GAS6: variants seen among roughly 807,000 people sequenced by gnomAD.
GAS6 encodes the protein growth arrest-specific protein 6.
A neutral mutation model predicts 75.8 loss-of-function variants in GAS6; 41 were observed. That is an observed-to-expected ratio of 0.54 (90% confidence interval 0.42 to 0.70). The LOEUF (loss-of-function observed/expected upper bound fraction) is 0.70. Ranked by LOEUF, GAS6 falls within the 30% of genes least tolerant of loss-of-function variation. The pLI is 0.00. For missense variants in GAS6, 854 were observed against 940.2 expected (o/e 0.91, Z 1.20); for synonymous variants, 432 against 412.6 (o/e 1.05, Z -0.57).
At chr13:113,830,515 CCCAGG>C (rs2051617010) in intron 10 of GAS6, among the ~76,000 whole-genome samples, 1 of 66,924 alleles carries the variant, frequency 1.5e-5, no homozygotes, top group Non-Finnish European at 2.5e-5. Flanking sequence ...ACACCACTCC[CCCAGG>C]TGACCTCGCC....
chr13:113,842,310 CG>C, intron 4 of GAS6: 1 of 313,064 alleles, frequency 3.2e-6, no homozygotes, highest in Non-Finnish European at 5.7e-6. Flanking sequence ...GCTCGCGTCT[CG>C]AAGTGTTTCT....
At chr13:113,838,034 G>A (rs542200125) in intron 6 of GAS6, 35 bp downstream of exon 6, 56 of 1,608,694 alleles carry the variant, frequency 3.5e-5, no homozygotes, top group South Asian at 2.1e-4. Flanking sequence ...GGTGGGGAGA[G>A]GAGAGAGGAG....
At chr13:113,832,159 C>T (rs904292950) in intron 10 of GAS6, 140 bp downstream of exon 10, 2 of 969,222 alleles carry the variant, frequency 2.1e-6, no homozygotes, top group Non-Finnish European at 3.0e-6. Context: ...CTAAACGGGG[C>T]AGGGGTCCCC....
chr13:113,863,495 C>A lies in GAS6; in HGVS notation c.255+80G>T. 1 of 1,358,922 alleles carries A rather than the reference C, an allele frequency of 7.4e-7. No individual in the cohort carries two copies. Among genetic ancestry groups the A allele is most frequent in the Non-Finnish European group, 9.6e-7 (1 of 1,046,436 alleles). 84.2% of individuals were successfully genotyped at this position (1,358,922 alleles called of 1,614,324 possible). On this transcript the variant is annotated intron_variant, in intron 2 of 14. Transcript: ENST00000327773. This position sits in a 1 kb window ranked among gnomAD's most constrained non-coding sequence, Gnocchi z 9.4. Reference sequence around the variant, plus strand: ...CTCGCCGCGCGGAGCTGGGGGGCGGCAGCAGCGCTGCCTCTCGGGAGCGGT... The same window carrying A: ...CTCGCCGCGCGGAGCTGGGGGGCGGAAGCAGCGCTGCCTCTCGGGAGCGGT...
chr13:113,835,625 C>CTCGTCTATGTCTGCAAGCAAAAAA lies in GAS6; in HGVS notation c.590-14_599dup (p.Asp199_Glu200insAspPheLeuLeuAlaAspIleAsp), dbSNP rs752654181. 6.2e-7 allele frequency: 1 copy of CTCGTCTATGTCTGCAAGCAAAAAA among 1,611,932 alleles called. No individual in the cohort carries two copies. The highest frequency in any genetic ancestry group is 8.5e-7 in the Non-Finnish European group (1 of 1,179,800). Reference sequence around the variant, plus strand: ...CCCCGCAGGCCTCCGAGTCTGCGCACTCGTCTATGTCTGCAAGCAAAAAAA... The same window carrying CTCGTCTATGTCTGCAAGCAAAAAA: ...CCCCGCAGGCCTCCGAGTCTGCGCACTCGTCTATGTCTGCAAGCAAAAAATCGTCTATGTCTGCAAGCAAAAAAA... On this transcript the variant is annotated inframe_insertion, in exon 7 of 15. Coordinates refer to ENST00000327773, the MANE Select transcript of GAS6 (RefSeq NM_000820.4).
intron 11 of GAS6, among the ~76,000 whole-genome samples, chr13:113,828,301 A>G (rs995820803): frequency 2.0e-5 from 3 of 152,220 alleles, no homozygotes; most frequent in African/African-American, 7.2e-5. Flanking sequence ...TCTTATCTCC[A>G]TTGAAAAATA....
intron 3 of GAS6, among the ~76,000 whole-genome samples, chr13:113,847,363 G>C (rs1249493115): frequency 1.3e-5 from 2 of 152,232 alleles, no homozygotes; most frequent in Non-Finnish European, 2.9e-5. Context: ...AATGCACTTT[G>C]CAACATTAAA....
At chr13:113,850,290 C>A (rs2051863114) in intron 2 of GAS6, among the ~76,000 whole-genome samples, 1 of 152,092 alleles carries the variant, frequency 6.6e-6, no homozygotes, top group South Asian at 2.1e-4. Flanking sequence ...CAGAGCAGCA[C>A]CCCCAGGAGT....
intron 2 of GAS6, among the ~76,000 whole-genome samples, chr13:113,852,295 G>A (rs965266102): frequency 2.0e-5 from 3 of 152,198 alleles, no homozygotes; most frequent in Admixed American, 1.3e-4. Flanking sequence ...GGACGTCCCC[G>A]TGCTGGGGGT....
rs746380608 is a variant in GAS6, at chr13:113,822,165, G to C, written c.1675C>G (p.His559Asp). 6.4e-7 allele frequency: 1 copy of C among 1,573,010 alleles called. No individual in the cohort carries two copies. The highest frequency in any genetic ancestry group is 2.3e-5 in the East Asian group (1 of 43,556). ...KKQLVVLAVEHTALALMEIKV... is the reference protein window; with the variant it reads ...KKQLVVLAVEDTALALMEIKV... ...ATCTCCATTAGGGCCAAGGCCGTAT[G>C]CTCCACGGCCAGGACCACCAGCTGC... The change falls in exon 14 of 15, where the codon CAT (histidine) becomes GAT (aspartate). Residue 559 changes from histidine to aspartate, a missense_variant. His to Asp is a moderately conservative substitution (Grantham distance 81, BLOSUM62 -1). Transcript: ENST00000327773.
rs539457200 is a variant in GAS6 at position 113,821,853 on chromosome 13, C to A, written c.1882+105G>T. 3.7e-4 allele frequency: 323 copies of A among 869,698 alleles called. 1 individual carries two copies. The African/African-American group carries it at 5.1e-3, about 14-fold the overall frequency. The allele number at this position is 869,698 out of a possible 1,614,324, so 53.9% of individuals were successfully genotyped here. On this transcript the variant is annotated intron_variant, in intron 14 of 14. Coordinates refer to ENST00000327773, the MANE Select transcript of GAS6 (RefSeq NM_000820.4). The stretch of plus-strand genomic sequence containing the variant: ...CTCTTAAAACACAAGTCCTCTTCCG[C>A]ATTCACTACCAGAAACCCCAGCCTG...
chr13:113,830,348 C>A (rs1183082795), intron 10 of GAS6, among the ~76,000 whole-genome samples: 1 of 152,066 alleles, frequency 6.6e-6, no homozygotes, highest in East Asian at 1.9e-4. Flanking sequence ...GGCGGGACTA[C>A]ACTGCAACAC....
In GAS6 at chr13:113,851,262, GATGAGTGAGTGTATGAATGA is replaced by G. The variant is rs2051872015; in HGVS notation, c.256-3232_256-3213del. Among the ~76,000 whole-genome samples the G allele has an allele frequency of 2.0e-5, 3 of 148,622 alleles. No homozygotes were observed. The South Asian group carries it at 6.8e-4, about 33-fold the overall frequency. The stretch of plus-strand genomic sequence containing the variant: ...GAATAAAACAATGAGTGAATAGATG[GATGAGTGAGTGTATGAATGA>G]ATGAGTGAGTGGGTGGATGAGTGAG... On this transcript the variant is annotated intron_variant, in intron 2 of 14. Transcript: ENST00000327773.
chr13:113,850,672 G>A (rs183224717), intron 2 of GAS6, among the ~76,000 whole-genome samples: 24 of 152,354 alleles, frequency 1.6e-4, no homozygotes, highest in African/African-American at 3.1e-4. Flanking sequence ...CTCATGAGCC[G>A]TCACCAAACA....
intron 5 of GAS6, among the ~76,000 whole-genome samples, chr13:113,838,431 A>T (rs2051740150): frequency 7.0e-6 from 1 of 142,834 alleles, no homozygotes; most frequent in South Asian, 2.3e-4. Context: ...GGGGGTGCAC[A>T]GCCCAGCCCT....
At chr13:113,840,146 C>A (rs367543901) in intron 4 of GAS6, 49 of 390,998 alleles carry the variant, frequency 1.3e-4, no homozygotes, top group Non-Finnish European at 2.0e-4. Flanking sequence ...AACTGCCTGG[C>A]GTGAGGCCTG....
In GAS6 at chr13:113,848,170, A is replaced by G; in HGVS notation, c.256-120T>C. 9.8e-7 allele frequency: 1 copy of G among 1,021,562 alleles called. No individual in the cohort carries two copies. Among genetic ancestry groups the G allele is most frequent in the Non-Finnish European group, 1.5e-6 (1 of 674,598 alleles). The allele number at this position is 1,021,562 out of a possible 1,614,324, so 63.3% of individuals were successfully genotyped here. A position where few individuals can be genotyped will look rare whatever the true frequency, so the allele number is the denominator to read the frequency against. ...CTCGGGGCAGCCAGAGGGCCGCCCC[A>G]CCCGGGGAACTGAGGGGAAGTGACC... On this transcript the variant is annotated intron_variant, in intron 2 of 14. Transcript: ENST00000327773. This position sits in a 1 kb window ranked among gnomAD's most constrained non-coding sequence, Gnocchi z 4.8.
chr13:113,834,211 G>GTGTGACAGGTAGGTCATGC (rs1335525813), intron 8 of GAS6, among the ~76,000 whole-genome samples: 4 of 151,078 alleles, frequency 2.6e-5, no homozygotes, highest in African/African-American at 9.9e-5. Context: ...ACAGGCCCCG[G>GTGTGACAGGTAGGTCATGC]TGTGACAGGT....
intron 14 of GAS6, chr13:113,821,245 C>A: frequency 1.7e-6 from 1 of 583,508 alleles, no homozygotes; most frequent in Non-Finnish European, 3.1e-6. Context: ...CCTCCCTTCC[C>A]CGCTGGGAGC....
Sources: gnomAD v4.1 joint callset for allele counts (sites outside exome capture counted in the v4.1 genomes callset) on GRCh38, gnomAD v4.1.1 for gene constraint, Gnocchi (gnomAD v3.1) non-coding constraint, MANE v1.5 for transcripts, NCBI Gene and HGNC (gene_info 2026-07-23, HGNC 2026-07-21) for gene names.